The following SLC9D1 variants were observed in gnomAD, a reference collection of about 807,000 sequenced individuals.
SLC9D1 encodes solute carrier family 9 member D1.
chr13:113,516,565 CAAA>C, the SLC9D1 span, among the ~76,000 whole-genome samples: 3 of 87,132 alleles, frequency 3.4e-5, no homozygotes, highest in African/African-American at 1.1e-4. Flanking sequence ...GACTCCATCT[CAAA>C]AAAAAAAAAA....
chr13:113,515,021 G>A, the SLC9D1 span, among the ~76,000 whole-genome samples: 1 of 152,148 alleles, frequency 6.6e-6, no homozygotes, highest in Admixed American at 6.5e-5. Context: ...CCTGGCCCTG[G>A]CAGACATTTT....
chr13:113,531,026 C>T, the SLC9D1 span, among the ~76,000 whole-genome samples: 1 of 152,172 alleles, frequency 6.6e-6, no homozygotes, highest in South Asian at 2.1e-4. Flanking sequence ...GGAATTGGAG[C>T]AACTTCCTGG....
At chr13:113,548,471 C>A in the SLC9D1 span, 35 of 1,593,222 alleles carry the variant, frequency 2.2e-5, 1 homozygote, top group South Asian at 3.2e-4. Flanking sequence ...CTTCCCCCCG[C>A]GGAGCGCTTC....
the SLC9D1 span, among the ~76,000 whole-genome samples, chr13:113,500,999 G>A: frequency 3.3e-5 from 5 of 152,288 alleles, no homozygotes; most frequent in Middle Eastern, 3.4e-3. Context: ...TTTTGAGACT[G>A]TAAGTATCCT....
chr13:113,533,150 G>A, the SLC9D1 span, among the ~76,000 whole-genome samples: 1 of 117,726 alleles, frequency 8.5e-6, no homozygotes, highest in African/African-American at 4.0e-5. Flanking sequence ...GAGCTCTGAA[G>A]GACGCTGCCT....
At chr13:113,537,362 TG>T in the SLC9D1 span, among the ~76,000 whole-genome samples, 9 of 152,246 alleles carry the variant, frequency 5.9e-5, no homozygotes, top group Non-Finnish European at 8.8e-5. Context: ...AGCCACTTCC[TG>T]GCCCCGTGGG....
At chr13:113,531,240 C>T in the SLC9D1 span, among the ~76,000 whole-genome samples, 1 of 152,242 alleles carries the variant, frequency 6.6e-6, no homozygotes, top group East Asian at 1.9e-4. Context: ...AGCCCTTCCT[C>T]ACCTGTCCGC....
At chr13:113,528,355 C>G in the SLC9D1 span, 8 of 152,356 alleles carry the variant, frequency 5.3e-5, no homozygotes, top group East Asian at 1.5e-3. Flanking sequence ...AGCTGGCAAG[C>G]GCTTCCTCAT....
At chr13:113,524,254 T>C in the SLC9D1 span, 4 of 438,658 alleles carry the variant, frequency 9.1e-6, no homozygotes, top group South Asian at 6.6e-5. Context: ...TTTTGCTCTA[T>C]GTATTTTGGG....
the SLC9D1 span, chr13:113,511,695 G>C: frequency 6.6e-6 from 1 of 152,352 alleles, no homozygotes; most frequent in Non-Finnish European, 1.5e-5. Context: ...AGGGTCGGGG[G>C]CTGAGTGAAA....
chr13:113,525,786 C>T, the SLC9D1 span, among the ~76,000 whole-genome samples: 2 of 150,728 alleles, frequency 1.3e-5, no homozygotes, highest in South Asian at 2.1e-4. Context: ...AGCTCTGTGC[C>T]GGTTATTCTA....
the SLC9D1 span, among the ~76,000 whole-genome samples, chr13:113,502,777 C>A: frequency 6.6e-6 from 1 of 152,142 alleles, no homozygotes; most frequent in Admixed American, 6.5e-5. Context: ...GCAGCCTGCT[C>A]CCTCCAAGCC....
the SLC9D1 span, chr13:113,501,691 C>T: frequency 8.3e-5 from 117 of 1,402,256 alleles, no homozygotes; most frequent in African/African-American, 1.6e-3. Flanking sequence ...CCTCAGCCAG[C>T]CAGCCCCCTT....
chr13:113,503,658 T>G, the SLC9D1 span: 1 of 902,662 alleles, frequency 1.1e-6, no homozygotes, highest in East Asian at 2.4e-5. Flanking sequence ...TCATACACTT[T>G]TAACACTTGT....
chr13:113,496,150 G>T, the SLC9D1 span: 1 of 692,918 alleles, frequency 1.4e-6, no homozygotes, highest in Non-Finnish European at 2.4e-6. Flanking sequence ...CAGACAGGAA[G>T]GGAAGGCGTG....
the SLC9D1 span, chr13:113,534,024 C>T: frequency 1.1e-5 from 17 of 1,558,134 alleles, no homozygotes; most frequent in Admixed American, 4.1e-5. Flanking sequence ...AGTGAAATCA[C>T]GTCTCTTTTT....
chr13:113,522,859 C>T, the SLC9D1 span, among the ~76,000 whole-genome samples: 28,908 of 149,514 alleles, frequency 0.19, 3,638 homozygotes, highest in African/African-American at 0.36. Flanking sequence ...CTTGAACTCC[C>T]GACATTGTGA....
the SLC9D1 span, among the ~76,000 whole-genome samples, chr13:113,535,450 T>C: frequency 2.6e-5 from 4 of 152,214 alleles, no homozygotes; most frequent in Non-Finnish European, 4.4e-5. This position sits in a 1 kb window ranked among gnomAD's most constrained non-coding sequence, Gnocchi z 4.1. Context: ...GCAGGTGCTC[T>C]TCCTGCTGTT....
At chr13:113,537,682 G>A in the SLC9D1 span, among the ~76,000 whole-genome samples, 5 of 152,204 alleles carry the variant, frequency 3.3e-5, no homozygotes, top group Admixed American at 2.0e-4. Flanking sequence ...CCCCTGGGTC[G>A]TGAAGATGCT....
Sources: allele counts gnomAD v4.1 joint callset (sites outside exome capture counted in the v4.1 genomes callset), GRCh38; gene constraint gnomAD v4.1.1; non-coding constraint Gnocchi (gnomAD v3.1); transcripts MANE v1.5; gene names NCBI Gene and HGNC (gene_info 2026-07-23, HGNC 2026-07-21).